The following ACOT11 variants were observed in gnomAD, a reference collection of about 807,000 sequenced individuals.
ACOT11 encodes acyl-coenzyme A thioesterase 11.
Under a neutral mutation model 77.5 loss-of-function variants are expected in ACOT11, and 69 were observed. The observed-to-expected ratio is 0.89, with a 90% CI of 0.73 to 1.09. ACOT11 has a LOEUF of 1.09. ACOT11 is among the 50% of genes least tolerant of loss of function. The pLI is 0.00. For missense variants in ACOT11, 766 were observed against 813.7 expected, an observed-to-expected ratio of 0.94 and a Z score of 0.71; for synonymous variants, 279 against 313.0, an observed-to-expected ratio of 0.89 and a Z score of 1.15.
chr1:54,554,732 T>C (rs1653201996), intron 1 of ACOT11, among the ~76,000 whole-genome samples: 1 of 152,130 alleles, frequency 6.6e-6, no homozygotes, highest in Non-Finnish European at 1.5e-5. Flanking sequence ...AGTGCTGCAA[T>C]AAACACGGGA....
At chr1:54,581,004 G>A (rs1267268092) in intron 1 of ACOT11, among the ~76,000 whole-genome samples, 1 of 152,196 alleles carries the variant, frequency 6.6e-6, no homozygotes, top group Admixed American at 6.5e-5. Flanking sequence ...ACGGTGGCTG[G>A]TTCTTGATCC....
In ACOT11 at chr1:54,597,272, A is replaced by G; in HGVS notation, c.621A>G (p.Arg207=). 1 of 1,612,776 alleles carries G rather than the reference A, an allele frequency of 6.2e-7. No individual in the cohort carries two copies. Among genetic ancestry groups the G allele is most frequent in the South Asian group, 1.1e-5 (1 of 91,076 alleles). ...NCAIQGDLES[R]DCSRMVPAEK... is the part of the protein sequence containing the mutation. ...ATCCCTGGTCAGATCTGGAGAGCAGAGACTGTAGCCGCATGGTGCCGGCTG... is the reference window on the plus strand; with the variant it reads ...ATCCCTGGTCAGATCTGGAGAGCAGGGACTGTAGCCGCATGGTGCCGGCTG... The change falls in exon 7 of 16, where the codon AGA becomes AGG. Residue 207 remains arginine (R), a synonymous_variant. Coordinates refer to ENST00000343744, the MANE Select transcript of ACOT11 (RefSeq NM_147161.4).
At chr1:54,630,905 C>A in intron 16 of ACOT11, 2 of 699,422 alleles carry the variant, frequency 2.9e-6, no homozygotes, top group South Asian at 3.2e-5. Flanking sequence ...GAAGGGGAGT[C>A]CGGAAGCGTC....
At chr1:54,616,241 A>C in intron 15 of ACOT11, 1 of 1,365,184 alleles carries the variant, frequency 7.3e-7, no homozygotes, top group South Asian at 1.3e-5. Context: ...TCATCATAAA[A>C]GCATTACAAA....
rs1569710770 is a variant in ACOT11 at position 54,584,527 on chromosome 1, G to A, written c.34-128G>A. On this transcript the variant is annotated intron_variant, in intron 1 of 15. Transcript: ENST00000343744. The surrounding 1 kb of genome is among the most constrained non-coding windows in gnomAD (Gnocchi z 6.3). ...AGGGTGGTGACCACTCTCGGGTTGGGGTCTGGTGGGAGGTGGCCCTAGGTA... is the reference window on the plus strand; with the variant it reads ...AGGGTGGTGACCACTCTCGGGTTGGAGTCTGGTGGGAGGTGGCCCTAGGTA... 4.8e-6 allele frequency: 4 copies of A among 827,150 alleles called. No individual in the cohort carries two copies. The African/African-American group carries it at 5.1e-5, about 11-fold the overall frequency. 51.2% of individuals were successfully genotyped at this position (827,150 alleles called of 1,614,324 possible). A position where few individuals can be genotyped will look rare whatever the true frequency, so the allele number is the denominator to read the frequency against.
intron 1 of ACOT11, among the ~76,000 whole-genome samples, chr1:54,563,123 C>A (rs1442065550): frequency 4.6e-5 from 7 of 152,180 alleles, no homozygotes; most frequent in Admixed American, 4.6e-4. Flanking sequence ...CCGGGCGGCG[C>A]TCGCTGGCGC....
chr1:54,609,803 T>C lies in ACOT11; in HGVS notation c.*691T>C, dbSNP rs1644093879. On this transcript the variant is annotated 3_prime_UTR_variant, in exon 16 of 16. Transcript: ENST00000343744. Reference sequence around the variant, plus strand: ...CGCTATTTGCAAATGGATGCCCCAGTGTCCGGGATGTGTGGCCAGCTGCTG... The same window carrying C: ...CGCTATTTGCAAATGGATGCCCCAGCGTCCGGGATGTGTGGCCAGCTGCTG... 2 of 1,614,052 alleles carry C rather than the reference T, an allele frequency of 1.2e-6. No individual in the cohort carries two copies.
chr1:54,597,811 G>A (rs79788736), intron 7 of ACOT11: 9,610 of 199,270 alleles, frequency 0.048, 412 homozygotes, highest in East Asian at 0.17. Flanking sequence ...GCCTCCTGCC[G>A]TGCTTCCCCT....
chr1:54,610,146 G>A lies in ACOT11; in HGVS notation c.*1034G>A, dbSNP rs1644100476. 3 of 1,433,288 alleles carry A rather than the reference G, an allele frequency of 2.1e-6. No individual in the cohort carries two copies. The highest frequency in any genetic ancestry group is 2.7e-6 in the Non-Finnish European group (3 of 1,099,434). 88.8% of individuals were successfully genotyped at this position (1,433,288 alleles called of 1,614,324 possible). On this transcript the variant is annotated 3_prime_UTR_variant, in exon 16 of 16. Coordinates refer to ENST00000343744, the MANE Select transcript of ACOT11 (RefSeq NM_147161.4). ...TGAGAAACTCTTGTTTCAGCTCTTG[G>A]CCTTTACCCATGACTCAGCCTGGGG...
chr1:54,610,464 CCACTCCACATTCAGACCGTCATCCCCAGG>C (rs373739034), downstream of ACOT11: 53,296 of 1,608,204 alleles, frequency 0.033, 1,266 homozygotes, highest in Non-Finnish European at 0.037. Flanking sequence ...CAGGAACCAG[CCACTCCACATTCAGACCGTCATCCCCAGG>C]CAGCTGGAGA....
intron 1 of ACOT11, among the ~76,000 whole-genome samples, chr1:54,570,484 A>G (rs1032130753): frequency 6.6e-6 from 1 of 152,180 alleles, no homozygotes; most frequent in Non-Finnish European, 1.5e-5. Context: ...CTTCCTCACT[A>G]GAATGGTTTT....
At chr1:54,554,319 G>A (rs11805174) in intron 1 of ACOT11, among the ~76,000 whole-genome samples, 24,283 of 86,918 alleles carry the variant, frequency 0.28, 3,279 homozygotes, top group African/African-American at 0.38. Flanking sequence ...GTGTGTGTGT[G>A]TGTGTGTGTG....
At chr1:54,587,406 C>T (rs1003032285) in intron 3 of ACOT11, among the ~76,000 whole-genome samples, 2 of 151,464 alleles carry the variant, frequency 1.3e-5, no homozygotes, top group East Asian at 2.0e-4. Context: ...CCCAGCTACT[C>T]GGGAGGCTGA....
At chr1:54,587,549 C>CTTT (rs1654547915) in intron 3 of ACOT11, among the ~76,000 whole-genome samples, 1 of 96,168 alleles carries the variant, frequency 1.0e-5, no homozygotes. Context: ...GGTTTGTAAT[C>CTTT]CTTTTTTTTT....
intron 15 of ACOT11, chr1:54,621,497 A>C (rs1195609036): frequency 2.0e-5 from 3 of 152,170 alleles, no homozygotes; most frequent in Non-Finnish European, 2.9e-5. Flanking sequence ...AAAAAAGATA[A>C]AAGATTGGAA....
At chr1:54,596,084 C>T (rs1654888264) in intron 6 of ACOT11, among the ~76,000 whole-genome samples, 1 of 152,252 alleles carries the variant, frequency 6.6e-6, no homozygotes. Flanking sequence ...GCGCTCCCAC[C>T]TAAGAATCAG....
chr1:54,562,464 C>T (rs1286319006), intron 1 of ACOT11, among the ~76,000 whole-genome samples: 7 of 87,742 alleles, frequency 8.0e-5, no homozygotes, highest in Admixed American at 1.8e-4. Context: ...CACCTCCCTC[C>T]CGGACGGCAC....
At chr1:54,623,582 C>T (rs575900108) in intron 15 of ACOT11, 1 of 580,836 alleles carries the variant, frequency 1.7e-6, no homozygotes, top group Non-Finnish European at 3.1e-6. Context: ...TCCCTCCCCG[C>T]CCCAATCCTC....
chr1:54,577,272 C>T (rs1056991256), intron 1 of ACOT11, among the ~76,000 whole-genome samples: 10 of 152,206 alleles, frequency 6.6e-5, no homozygotes, highest in African/African-American at 2.4e-4. Context: ...TAAAGTACTA[C>T]AATCCCTTAC....
Sources: allele counts gnomAD v4.1 joint callset (sites outside exome capture counted in the v4.1 genomes callset), GRCh38; gene constraint gnomAD v4.1.1; non-coding constraint Gnocchi (gnomAD v3.1); transcripts MANE v1.5; gene names NCBI Gene and HGNC (gene_info 2026-07-23, HGNC 2026-07-21).